The following SGCZ variants were observed in gnomAD, a reference collection of about 807,000 sequenced individuals.
SGCZ encodes zeta-sarcoglycan.
SGCZ carries 40 observed loss-of-function variants against 41.3 expected under a neutral mutation model. The observed-to-expected ratio is 0.97, with a 90% CI of 0.75 to 1.26. The LOEUF is 1.26. Among genes scored for constraint, SGCZ ranks in the 50% most tolerant of loss-of-function variants. The probability of loss-of-function intolerance (pLI) is 0.00; values close to 1 mark genes in which losing one functional copy is unlikely to be tolerated. For missense variants in SGCZ, 552 were observed against 369.8 expected, an observed-to-expected ratio of 1.49 and a Z score of -4.04; for synonymous variants, 206 against 137.5, an observed-to-expected ratio of 1.50 and a Z score of -3.49.
intron 5 of SGCZ, among the ~76,000 whole-genome samples, chr8:14,112,286 G>GC (rs953936984): frequency 9.0e-6 from 1 of 111,258 alleles, no homozygotes; most frequent in East Asian, 4.9e-4. Context: ...TTTTTTGTGG[G>GC]GGGGGGGTGC....
chr8:14,408,951 G>GTGTGT (rs1563310398), intron 2 of SGCZ, among the ~76,000 whole-genome samples: 2 of 106,308 alleles, frequency 1.9e-5, no homozygotes, highest in South Asian at 4.9e-4. Flanking sequence ...TAAATTAAGA[G>GTGTGT]AGTGTGTGTG....
chr8:14,912,387 G>T lies in SGCZ; in HGVS notation c.39+325198C>A, dbSNP rs117801778. 8.6e-5 allele frequency among the ~76,000 whole-genome samples: 13 copies of T among 152,042 alleles called. No homozygotes were observed. In the East Asian group the frequency reaches 2.5e-3, roughly 29 times the overall value. ...CAATTTATAAAATGTCTCCTGAGAAGAAAATAAAAATCCATCTTACCTCAG... is the reference window on the plus strand; with the variant it reads ...CAATTTATAAAATGTCTCCTGAGAATAAAATAAAAATCCATCTTACCTCAG... On this transcript the variant is annotated intron_variant, in intron 1 of 7. Transcript: ENST00000382080.
chr8:15,134,321 C>G (rs886396471), intron 1 of SGCZ, among the ~76,000 whole-genome samples: 1 of 123,448 alleles, frequency 8.1e-6, no homozygotes, highest in South Asian at 2.5e-4. Context: ...TTTTTTGTTT[C>G]TTTACTTCCA....
chr8:14,456,536 C>G lies in SGCZ; in HGVS notation c.234+98196G>C, dbSNP rs562209036. ...AGGACTTAGGAAAACATGCATGTAT[C>G]TGATCATTTGTACCAAAGAAACACA... On this transcript the variant is annotated intron_variant, in intron 2 of 7. Coordinates refer to ENST00000382080, the MANE Select transcript of SGCZ (RefSeq NM_139167.4). 3.3e-4 allele frequency among the ~76,000 whole-genome samples: 50 copies of G among 152,142 alleles called. 1 individual carries two copies. Among genetic ancestry groups the G allele is most frequent in the African/African-American group, 1.2e-3 (48 of 41,516 alleles).
intron 1 of SGCZ, among the ~76,000 whole-genome samples, chr8:14,679,268 G>A (rs1275378220): frequency 6.6e-6 from 1 of 151,736 alleles, no homozygotes; most frequent in Non-Finnish European, 1.5e-5. Context: ...TGCTTCTTTT[G>A]CATACATATT....
At chr8:14,810,117 A>AT (rs1042909589) in intron 1 of SGCZ, among the ~76,000 whole-genome samples, 38 of 152,054 alleles carry the variant, frequency 2.5e-4, no homozygotes, top group Admixed American at 1.6e-3. Context: ...GTAATGGCAA[A>AT]AAAATTTCAG....
At chr8:14,102,745 C>G (rs1237815531) in intron 6 of SGCZ, among the ~76,000 whole-genome samples, 2 of 152,014 alleles carry the variant, frequency 1.3e-5, no homozygotes, top group East Asian at 3.9e-4. Context: ...AGTATTTACT[C>G]TCACTTTCAT....
intron 1 of SGCZ, among the ~76,000 whole-genome samples, chr8:15,114,411 A>T (rs1483025027): frequency 6.6e-6 from 1 of 152,220 alleles, no homozygotes; most frequent in African/African-American, 2.4e-5. Flanking sequence ...TAATATCAGA[A>T]TTGAAATTAT....
intron 2 of SGCZ, among the ~76,000 whole-genome samples, chr8:14,403,423 G>T (rs1464147526): frequency 1.3e-5 from 2 of 151,414 alleles, no homozygotes; most frequent in Non-Finnish European, 2.9e-5. Flanking sequence ...ATTGGCTGTG[G>T]GTTTGTCATA....
At position 14,102,780 on chromosome 8, in the gene SGCZ, G is replaced by A. The variant is rs576541139; in HGVS notation, c.621-281C>T. 5.3e-5 allele frequency among the ~76,000 whole-genome samples: 8 copies of A among 152,160 alleles called. No homozygotes were observed. The South Asian group carries it at 1.7e-3, about 32-fold the overall frequency. On this transcript the variant is annotated intron_variant, in intron 6 of 7. Transcript: ENST00000382080. ...TGACAATTTGCTTATGGTTTCTTTTGTTGTTTCCCCTCAGAATGCTCATGA... is the reference window on the plus strand; with the variant it reads ...TGACAATTTGCTTATGGTTTCTTTTATTGTTTCCCCTCAGAATGCTCATGA...
chr8:15,115,312 A>G (rs1484799802), intron 1 of SGCZ, among the ~76,000 whole-genome samples: 1 of 152,160 alleles, frequency 6.6e-6, no homozygotes, highest in Non-Finnish European at 1.5e-5. Context: ...CTTCTGGCAC[A>G]TGTAATTTGC....
intron 3 of SGCZ, among the ~76,000 whole-genome samples, chr8:14,240,340 A>ATAAATAAATAAATAAAT (rs1281998125): frequency 1.5e-4 from 23 of 149,930 alleles, no homozygotes; most frequent in African/African-American, 5.4e-4. Flanking sequence ...AAAAAAAAAA[A>ATAAATAAATAAATAAAT]AAAAAAAAAA....
chr8:14,619,320 C>G (rs1425233143), intron 1 of SGCZ, among the ~76,000 whole-genome samples: 1 of 152,074 alleles, frequency 6.6e-6, no homozygotes, highest in Non-Finnish European at 1.5e-5. Flanking sequence ...ATGACAAACC[C>G]ACAGCCAATA....
At chr8:14,637,894 A>G (rs984400994) in intron 1 of SGCZ, among the ~76,000 whole-genome samples, 2 of 151,842 alleles carry the variant, frequency 1.3e-5, no homozygotes, top group South Asian at 2.1e-4. Flanking sequence ...AGAAGTCTGC[A>G]AACTGCTTTT....
At chr8:14,771,918 G>A (rs1460817415) in intron 1 of SGCZ, among the ~76,000 whole-genome samples, 1 of 152,094 alleles carries the variant, frequency 6.6e-6, no homozygotes, top group Admixed American at 6.6e-5. Flanking sequence ...AATTGGGAAT[G>A]TTTTAACATC....
At chr8:14,416,567 A>G (rs1405348037) in intron 2 of SGCZ, among the ~76,000 whole-genome samples, 2 of 151,920 alleles carry the variant, frequency 1.3e-5, no homozygotes, top group South Asian at 2.1e-4. Context: ...AGAGCATGAA[A>G]GTAAAATTTC....
intron 2 of SGCZ, among the ~76,000 whole-genome samples, chr8:14,405,947 T>C (rs1463558149): frequency 6.6e-6 from 1 of 152,182 alleles, no homozygotes; most frequent in African/African-American, 2.4e-5. Context: ...ATGAGCACCC[T>C]AGTTAGTTTA....
chr8:14,647,441 T>A (rs1434634834), intron 1 of SGCZ, among the ~76,000 whole-genome samples: 1 of 152,020 alleles, frequency 6.6e-6, no homozygotes, highest in Non-Finnish European at 1.5e-5. Flanking sequence ...GAGACCTAGA[T>A]TAATTGCATT....
At chr8:15,051,820 C>T (rs1365035448) in intron 1 of SGCZ, among the ~76,000 whole-genome samples, 1 of 152,084 alleles carries the variant, frequency 6.6e-6, no homozygotes, top group African/African-American at 2.4e-5. Flanking sequence ...TTAACCATAG[C>T]ATCAAAAAGT....
Sources: gnomAD v4.1 joint callset for allele counts (sites outside exome capture counted in the v4.1 genomes callset) on GRCh38, gnomAD v4.1.1 for gene constraint, MANE v1.5 for transcripts, NCBI Gene and HGNC (gene_info 2026-07-23, HGNC 2026-07-21) for gene names.